The following PARVA variants were observed in gnomAD, a reference collection of about 807,000 sequenced individuals.
The protein encoded by PARVA is parvin alpha, also known as alpha-parvin.
Under a neutral mutation model 52.6 loss-of-function variants are expected in PARVA, and 25 were observed. The ratio of observed to expected loss-of-function variants is 0.48; its 90% confidence interval spans 0.35 to 0.66. The LOEUF is 0.66. Ranked by LOEUF, PARVA falls within the 30% of genes least tolerant of loss-of-function variation. The pLI is 0.01. For missense variants in PARVA, 373 were observed against 450.9 expected (o/e 0.83, Z 1.56); for synonymous variants, 185 against 179.1 (o/e 1.03, Z -0.26).
At chr11:12,508,099 TAAAAAA>T (rs35314523) in intron 6 of PARVA, among the ~76,000 whole-genome samples, 4 of 91,774 alleles carry the variant, frequency 4.4e-5, no homozygotes, top group African/African-American at 1.6e-4. Context: ...ATTTATCAGT[TAAAAAA>T]AAAAAAAAAA....
At chr11:12,386,321 CT>C (rs1939571501) in intron 1 of PARVA, among the ~76,000 whole-genome samples, 1 of 152,192 alleles carries the variant, frequency 6.6e-6, no homozygotes, top group African/African-American at 2.4e-5. Context: ...ATGTCATTTT[CT>C]TTCACATGTT....
intron 1 of PARVA, among the ~76,000 whole-genome samples, chr11:12,436,776 GGA>G (rs1940393525): frequency 6.6e-6 from 1 of 152,068 alleles, no homozygotes; most frequent in South Asian, 2.1e-4. Flanking sequence ...GGTTAGATTG[GGA>G]AGGAAAGGAT....
intron 1 of PARVA, among the ~76,000 whole-genome samples, chr11:12,426,890 C>G (rs1259199728): frequency 1.3e-5 from 2 of 152,082 alleles, no homozygotes; most frequent in Non-Finnish European, 2.9e-5. Flanking sequence ...TGCAGTGTGA[C>G]TGGAGAGGAA....
intron 1 of PARVA, among the ~76,000 whole-genome samples, chr11:12,443,019 G>A (rs972046419): frequency 1.1e-4 from 17 of 151,844 alleles, no homozygotes; most frequent in African/African-American, 3.9e-4. Context: ...CTGCCACTAC[G>A]CCCAGCTAAT....
At chr11:12,420,459 G>A (rs1415122336) in intron 1 of PARVA, among the ~76,000 whole-genome samples, 1 of 152,174 alleles carries the variant, frequency 6.6e-6, no homozygotes, top group South Asian at 2.1e-4. Flanking sequence ...ATAGAGAAAA[G>A]ATCTAGAACA....
rs532465898 is a variant in PARVA at position 12,431,850 on chromosome 11, C to T, written c.137-41895C>T. ...GCCCTTTGGGACTTTTTTCTCATCT[C>T]GTTCTGTGGCTTCTAAATCTAAGCA... On this transcript the variant is annotated intron_variant, in intron 1 of 12. Transcript: ENST00000334956. 3.6e-4 allele frequency among the ~76,000 whole-genome samples: 55 copies of T among 152,334 alleles called. No homozygotes were observed. In the South Asian group the frequency reaches 0.011, roughly 30 times the overall value.
intron 1 of PARVA, among the ~76,000 whole-genome samples, chr11:12,396,637 A>G (rs1939750993): frequency 6.6e-6 from 1 of 152,248 alleles, no homozygotes; most frequent in African/African-American, 2.4e-5. Context: ...TTCCAGAAAT[A>G]GGATCCCCTG....
chr11:12,499,990 T>G (rs756498382), intron 5 of PARVA, among the ~76,000 whole-genome samples: 2 of 152,170 alleles, frequency 1.3e-5, no homozygotes, highest in Non-Finnish European at 2.9e-5. Context: ...TTCAGATTGT[T>G]CTCCGTTTTC....
intron 6 of PARVA, among the ~76,000 whole-genome samples, chr11:12,505,115 C>T (rs1431867935): frequency 6.6e-6 from 1 of 152,214 alleles, no homozygotes; most frequent in East Asian, 1.9e-4. Context: ...TCACTCCGCT[C>T]CTAACCCCAT....
intron 1 of PARVA, among the ~76,000 whole-genome samples, chr11:12,392,839 C>G (rs1335551996): frequency 6.6e-6 from 1 of 152,030 alleles, no homozygotes; most frequent in Non-Finnish European, 1.5e-5. Flanking sequence ...CCGAAAGGTA[C>G]ACACTGGATC....
Position 12,527,939 on chromosome 11 carries a change from G to T in PARVA, c.*14G>T. On this transcript the variant is annotated 3_prime_UTR_variant, in exon 13 of 13. Transcript: ENST00000334956. The stretch of plus-strand genomic sequence containing the variant: ...AACGTGGAGTGAGGGGCTGCCCTGG[G>T]CCCACCACTGCCCAAGAGTTCTTGC... 2 of 1,586,136 alleles carry T rather than the reference G, an allele frequency of 1.3e-6. No individual in the cohort carries two copies. Among genetic ancestry groups the T allele is most frequent in the Non-Finnish European group, 1.7e-6 (2 of 1,155,876 alleles).
chr11:12,488,742 A>G (rs1368253170), intron 4 of PARVA, among the ~76,000 whole-genome samples: 2 of 152,246 alleles, frequency 1.3e-5, no homozygotes, highest in African/African-American at 4.8e-5. Context: ...CACAGATTTA[A>G]GGCTAGGATT....
At chr11:12,523,971 G>A (rs1941670097) in intron 12 of PARVA, among the ~76,000 whole-genome samples, 1 of 152,202 alleles carries the variant, frequency 6.6e-6, no homozygotes, top group African/African-American at 2.4e-5. Flanking sequence ...CTACCTGGGG[G>A]CCCAGGTCTT....
chr11:12,392,743 A>G (rs575121177), intron 1 of PARVA, among the ~76,000 whole-genome samples: 1 of 152,304 alleles, frequency 6.6e-6, no homozygotes, highest in Non-Finnish European at 1.5e-5. Context: ...ACCTAGGAGT[A>G]TACACTCAAG....
intron 1 of PARVA, among the ~76,000 whole-genome samples, chr11:12,389,365 C>T (rs1407971408): frequency 6.6e-6 from 1 of 152,168 alleles, no homozygotes; most frequent in Non-Finnish European, 1.5e-5. Context: ...GCATGGCCAC[C>T]ATCCCCTCTT....
At chr11:12,501,178 G>A (rs901897728) in intron 5 of PARVA, among the ~76,000 whole-genome samples, 3 of 149,768 alleles carry the variant, frequency 2.0e-5, no homozygotes, top group African/African-American at 7.3e-5. Context: ...CTTTCCAAAT[G>A]TTGGCCACAA....
intron 1 of PARVA, among the ~76,000 whole-genome samples, chr11:12,419,858 ATTC>A (rs993280841): frequency 2.4e-4 from 37 of 152,322 alleles, no homozygotes; most frequent in African/African-American, 7.5e-4. Context: ...GTCAAACTGA[ATTC>A]TTCTTACGTT....
rs1397875847 is a variant in PARVA, at chr11:12,530,766, A to T, written c.*2841A>T. The stretch of plus-strand genomic sequence containing the variant: ...TCTTGGATATTGTATTACCCTGGGT[A>T]TTAAAAAGAACTCCTTTCACATTTT... On this transcript the variant is annotated 3_prime_UTR_variant, in exon 13 of 13. Transcript: ENST00000334956. The T allele has an allele frequency of 6.6e-6, 1 of 152,222 alleles. No individual in the cohort carries two copies. The highest frequency in any genetic ancestry group is 1.5e-5 in the Non-Finnish European group (1 of 68,032). 9.4% of individuals were successfully genotyped at this position (152,222 alleles called of 1,614,324 possible).
chr11:12,516,191 G>A (rs73413910), intron 10 of PARVA, among the ~76,000 whole-genome samples: 3,750 of 152,258 alleles, frequency 0.025, 154 homozygotes, highest in African/African-American at 0.086. Context: ...CCTTAATGAC[G>A]GCTGAGCCGC....
Sources: gnomAD v4.1 joint callset for allele counts (sites outside exome capture counted in the v4.1 genomes callset) on GRCh38, gnomAD v4.1.1 for gene constraint, MANE v1.5 for transcripts, NCBI Gene and HGNC (gene_info 2026-07-23, HGNC 2026-07-21) for gene names.